Variants in FLNA observed in about 807,000 individuals in gnomAD.
The protein encoded by FLNA is filamin-A.
FLNA carries 7 observed loss-of-function variants against 157.6 expected under a neutral mutation model. The ratio of observed to expected loss-of-function variants is 0.04; its 90% CI spans 0.03 to 0.08. FLNA has a LOEUF of 0.08. FLNA is among the 10% of genes least tolerant of loss of function. The pLI is 1.00. For missense variants in FLNA, 1,750 were observed against 2,398.4 expected (o/e 0.73, Z 5.65); for synonymous variants, 1,103 against 1,060.8 (o/e 1.04, Z -0.77).
At chrX:154,365,030 C>T (rs1557178868) in intron 11 of FLNA, 73 bp from the exon 12 acceptor site, 8 of 1,205,772 alleles carry the variant, frequency 6.6e-6, no homozygotes, top group Non-Finnish European at 2.2e-6. Flanking sequence ...ACTGTGGCGG[C>T]CAGGCAGGAA....
Position 154,362,662 on chromosome X carries a change from C to T in FLNA, c.2403G>A (p.Gln801=). 8.3e-7 allele frequency: 1 copy of T among 1,211,214 alleles called. No individual in the cohort carries two copies. The highest frequency in any genetic ancestry group is 1.1e-6 in the Non-Finnish European group (1 of 895,490). ...YFTVDCAEAG[Q]GDVSIGIKCA... ...CTCCCACCCACAGCCAGGCCTTACC[C>T]TGGCCAGCCTCGGCGCAGTCCACAG... Residue 801 remains glutamine, a splice_region_variant and synonymous_variant, in exon 16 of 48, where the codon CAG becomes CAA. Coordinates refer to ENST00000369850, the MANE Select transcript of FLNA (RefSeq NM_001110556.2).
chrX:154,349,751 G>A lies in FLNA; in HGVS notation c.7450C>T (p.Arg2484Cys), dbSNP rs782557713. 7.9e-5 allele frequency: 96 copies of A among 1,210,363 alleles called. No individual in the cohort carries two copies. In the Middle Eastern group the frequency reaches 1.6e-3, roughly 20 times the overall value. The change falls in exon 46 of 48, where the codon CGC becomes TGC. Residue 2484 changes from arginine (R) to cysteine (C), a missense_variant. Arg to Cys is a radical substitution (Grantham distance 180). This residue lies in a region of FLNA where 970 missense variants were observed against 1,302.6 expected (regional missense o/e 0.74). Transcript: ENST00000369850. ...MDCQECPEGY[R>C]VTYTPMAPGS... Reference sequence around the variant, plus strand: ...GGTGCCATGGGGGTATAGGTGACGCGGTAGCCCTCAGGGCACTCCTGGCAA... The same window carrying A: ...GGTGCCATGGGGGTATAGGTGACGCAGTAGCCCTCAGGGCACTCCTGGCAA...
chrX:154,352,801 T>C lies in FLNA; in HGVS notation c.6350A>G (p.Asn2117Ser), dbSNP rs375205247. 164 of 1,210,678 alleles carry C rather than the reference T, an allele frequency of 1.4e-4. 3 individuals are homozygous for C. Among genetic ancestry groups the C allele is most frequent in the East Asian group, 1.1e-3 (36 of 33,790 alleles). Residue 2117 changes from asparagine to serine, a missense_variant, in exon 39 of 48, where the codon AAC becomes AGC. Coordinates refer to ENST00000369850, the MANE Select transcript of FLNA (RefSeq NM_001110556.2). ...CPTEPGNYIINIKFADQHVPG... is the reference protein window; with the variant it reads ...CPTEPGNYIISIKFADQHVPG... Reference sequence around the variant, plus strand: ...CACGTGCTGGTCGGCAAACTTGATGTTGATGATGTAGTTGCCTGGCTCTGT... The same window carrying C: ...CACGTGCTGGTCGGCAAACTTGATGCTGATGATGTAGTTGCCTGGCTCTGT...
chrX:154,349,930 C>T lies in FLNA; in HGVS notation c.7334-63G>A, dbSNP rs1443715765. Reference sequence around the variant, plus strand: ...TGCCTCCCTGTCCTCGGCCACCCAGCACAGGCTTGTCACCTCCAGGTGCCT... The same window carrying T: ...TGCCTCCCTGTCCTCGGCCACCCAGTACAGGCTTGTCACCTCCAGGTGCCT... On this transcript the variant is annotated intron_variant, in intron 45 of 47. Transcript: ENST00000369850. 8.5e-6 allele frequency: 10 copies of T among 1,183,097 alleles called. No homozygotes were observed. In the Admixed American group the frequency reaches 2.0e-4, roughly 23 times the overall value.
intron 15 of FLNA, among the ~76,000 whole-genome samples, chrX:154,363,459 C>A (rs782179836): frequency 1.5e-4 from 16 of 107,066 alleles, no homozygotes; most frequent in East Asian, 2.9e-4. Flanking sequence ...TCATGCCTGT[C>A]ATCCCAGCAC....
At chrX:154,353,849 T>C (rs1269226141) in intron 35 of FLNA, 66 bp downstream of exon 35, 16 of 1,202,462 alleles carry the variant, frequency 1.3e-5, no homozygotes, top group Non-Finnish European at 1.7e-5. Context: ...ATCTCCTGAG[T>C]CCAGCCCTTA....
chrX:154,356,045 C>T lies in FLNA; in HGVS notation c.4970-973G>A, dbSNP rs782441590. ...ATGCTGGCCTGCCGCGGCCAGGCAG[C>T]TCTCCCAGGCTCCAGACCTGGCTGC... On this transcript the variant is annotated intron_variant, in intron 30 of 47. Transcript: ENST00000369850. Among the ~76,000 whole-genome samples the T allele has an allele frequency of 2.7e-4, 30 of 112,515 alleles. No individual in the cohort carries two copies. In the South Asian group the frequency reaches 0.01, roughly 38 times the overall value.
At chrX:154,357,215 G>C (rs1457705147) in intron 30 of FLNA, 36 bp downstream of exon 30, 1 of 1,189,904 alleles carries the variant, frequency 8.4e-7, no homozygotes, top group Non-Finnish European at 1.1e-6. Context: ...CTCTGGGCAG[G>C]AGGGGCATTG....
chrX:154,352,609 C>T lies in FLNA; in HGVS notation c.6446G>A (p.Arg2149Gln), dbSNP rs201932105. The T allele has an allele frequency of 9.1e-6, 11 of 1,210,388 alleles. No individual in the cohort carries two copies. Among genetic ancestry groups the T allele is most frequent in the East Asian group, 3.0e-5 (1 of 33,778 alleles). Reference protein sequence around the residue: ...RVKESITRRRRAPSVANVGSH... With the variant: ...RVKESITRRRQAPSVANVGSH... ...ACCAACGTTGGCCACTGAAGGAGCC[C>T]GACGCCTGCGGGTGATGCTCTCTTT... Residue 2149 changes from arginine to glutamine, a missense_variant, in exon 40 of 48, where the codon CGG becomes CAG. Arg to Gln is a conservative substitution (Grantham distance 43, BLOSUM62 1). Around this residue, in one of 5 missense-constraint regions of FLNA, gnomAD observed 970 missense variants for 1,302.6 expected, o/e 0.74. Transcript: ENST00000369850.
chrX:154,356,258 G>A (rs188364967), intron 30 of FLNA, among the ~76,000 whole-genome samples: 35 of 111,839 alleles, frequency 3.1e-4, no homozygotes, highest in Admixed American at 2.7e-3. Flanking sequence ...CTGAAGCCCC[G>A]TGGCCGTCAA....
rs2067759220 is a variant in FLNA at position 154,366,235 on chromosome X, G to A, written c.1229-11C>T. The A allele has an allele frequency of 8.3e-7, 1 of 1,209,405 alleles. No individual in the cohort carries two copies. The highest frequency in any genetic ancestry group is 1.7e-5 in the African/African-American group (1 of 57,307). ...CGCCCGTGCCAGCTCCTGCCACGAG[G>A]CACCTGCTCAGCTCCCAGGCCCCAG... On this transcript the variant is annotated splice_polypyrimidine_tract_variant and intron_variant, in intron 8 of 47. Transcript: ENST00000369850.
rs2067772868 is a variant in FLNA, at chrX:154,367,684, C to T, written c.677G>A (p.Arg226Gln). 1.7e-5 allele frequency: 21 copies of T among 1,211,375 alleles called. No homozygotes were observed. Among genetic ancestry groups the T allele is most frequent in the Non-Finnish European group, 2.3e-5 (21 of 895,510 alleles). Reference sequence around the variant, plus strand: ...GTCATCCGCCTGCTGCATGGCCTCTCGCGCATTGGTAACGGGCTTGCTGGC... The same window carrying T: ...GTCATCCGCCTGCTGCATGGCCTCTTGCGCATTGGTAACGGGCTTGCTGGC... ...WDASKPVTNA[R>Q]EAMQQADDWL... is the part of the protein sequence containing the mutation. The change falls in exon 4 of 48, where the codon CGA becomes CAA. Residue 226 changes from arginine (R) to glutamine (Q), a missense_variant. Transcript: ENST00000369850.
In FLNA at chrX:154,353,769, C is replaced by T. The variant is rs369279458; in HGVS notation, c.5687-42G>A. 78 of 1,197,854 alleles carry T rather than the reference C, an allele frequency of 6.5e-5. No individual in the cohort carries two copies. The East Asian group carries it at 1.6e-3, about 24-fold the overall frequency. ...GTGAGCATGGGAACTATGCTGGGGA[C>T]ACTCCAGTTGGCCTGCACTGAGGAG... On this transcript the variant is annotated intron_variant, in intron 35 of 47. Coordinates refer to ENST00000369850, the MANE Select transcript of FLNA (RefSeq NM_001110556.2).
rs1358539669 is a variant in FLNA, at chrX:154,366,075, A to T, written c.1378T>A (p.Phe460Ile). 1 of 1,208,464 alleles carries T rather than the reference A, an allele frequency of 8.3e-7. No homozygotes were observed. Among genetic ancestry groups the T allele is most frequent in the Non-Finnish European group, 1.1e-6 (1 of 894,704 alleles). The change falls in exon 9 of 48, where the codon TTT becomes ATT. Residue 460 changes from phenylalanine (F) to isoleucine (I), a missense_variant. Transcript: ENST00000369850. ...CTGCGAGGGATGGGCACGCCGGCAAACGTGACGTGCACGGTGTGGACGCCC... is the reference window on the plus strand; with the variant it reads ...CTGCGAGGGATGGGCACGCCGGCAATCGTGACGTGCACGGTGTGGACGCCC... The part of the protein sequence containing the change: ...MEGVHTVHVT[F>I]AGVPIPRSPY...
chrX:154,353,099 T>G lies in FLNA; in HGVS notation c.6128A>C (p.Glu2043Ala). The G allele has an allele frequency of 8.3e-7, 1 of 1,211,316 alleles. No individual in the cohort carries two copies. Among genetic ancestry groups the G allele is most frequent in the South Asian group, 1.8e-5 (1 of 57,009 alleles). Residue 2043 changes from glutamate to alanine, a missense_variant, in exon 38 of 48, where the codon GAA becomes GCA. Around this residue, in one of 5 missense-constraint regions of FLNA, gnomAD observed 970 missense variants for 1,302.6 expected, o/e 0.74. Coordinates refer to ENST00000369850, the MANE Select transcript of FLNA (RefSeq NM_001110556.2). ...CCGAACACGACTGGCATCCCCAATT[T>G]CCGACTGGCTGATCACCACCGGGAT... ...SPIPVVISQS[E>A]IGDASRVRVS...
intron 26 of FLNA, 137 bp from the exon 27 acceptor site, chrX:154,358,705 T>G: frequency 1.2e-6 from 1 of 841,698 alleles, no homozygotes; most frequent in Non-Finnish European, 1.7e-6. Flanking sequence ...GGGAATGGCC[T>G]TGACCCCCTC....
intron 15 of FLNA, among the ~76,000 whole-genome samples, chrX:154,363,179 G>A (rs2067726775): frequency 8.9e-6 from 1 of 112,156 alleles, no homozygotes; most frequent in Admixed American, 9.4e-5. Flanking sequence ...CACTTTGGAA[G>A]GCCAAGGTGG....
intron 30 of FLNA, among the ~76,000 whole-genome samples, chrX:154,356,507 G>A (rs1557176876): frequency 8.9e-6 from 1 of 112,133 alleles, no homozygotes; most frequent in African/African-American, 3.3e-5. Context: ...CAAAACTCTA[G>A]CCACCCTCTC....
rs912253929 is a variant in FLNA at position 154,365,940 on chromosome X, A to G, written c.1429+84T>C. The G allele has an allele frequency of 3.8e-4, 362 of 951,775 alleles. 1 individual carries two copies. The highest frequency in any genetic ancestry group is 5.0e-4 in the Non-Finnish European group (346 of 693,796). The allele number at this position is 951,775 out of a possible 1,213,427, so 78.4% of individuals were successfully genotyped here. ...GAGTAGGGGCCCCGGGGCGGGCTGC[A>G]GCGGGACTGGCCCAGGGGGTCCCCC... On this transcript the variant is annotated intron_variant, in intron 9 of 47. Transcript: ENST00000369850.
Sources: allele counts gnomAD v4.1 joint callset (sites outside exome capture counted in the v4.1 genomes callset), GRCh38; gene constraint gnomAD v4.1.1; regional missense constraint gnomAD v4.1.1; transcripts MANE v1.5; gene names NCBI Gene and HGNC (gene_info 2026-07-23, HGNC 2026-07-21).